Variants in ZBTB7C observed in about 807,000 individuals in gnomAD.
The protein encoded by ZBTB7C is zinc finger and BTB domain-containing protein 7C.
In ZBTB7C, 8 loss-of-function variants were observed where a neutral mutation model predicts 25.7. That is an observed-to-expected ratio of 0.31 (90% CI 0.18 to 0.56). The LOEUF (loss-of-function observed/expected upper bound fraction) is 0.56, where lower values mean the gene tolerates loss of function less well. Ranked by LOEUF, ZBTB7C falls within the 20% of genes least tolerant of loss-of-function variation. The pLI, the probability that ZBTB7C is intolerant of heterozygous loss-of-function variation, is 0.91. For missense variants in ZBTB7C, 824 were observed against 855.2 expected (o/e 0.96, Z 0.46); for synonymous variants, 394 against 369.0 (o/e 1.07, Z -0.78).
intron 2 of ZBTB7C, among the ~76,000 whole-genome samples, chr18:48,242,868 G>A (rs1000980678): frequency 6.6e-6 from 1 of 152,110 alleles, no homozygotes; most frequent in African/African-American, 2.4e-5. Context: ...ACAAGAGAAA[G>A]AAATAAAGGG....
At chr18:48,081,063 T>C (rs2037964048) in intron 3 of ZBTB7C, among the ~76,000 whole-genome samples, 1 of 152,258 alleles carries the variant, frequency 6.6e-6, no homozygotes, top group East Asian at 1.9e-4. Context: ...CTTCTCCCAT[T>C]ACTGGGGGTA....
At chr18:48,383,315 G>T (rs1201228305) in intron 1 of ZBTB7C, among the ~76,000 whole-genome samples, 1 of 152,084 alleles carries the variant, frequency 6.6e-6, no homozygotes, top group African/African-American at 2.4e-5. Context: ...ACCCAGGATG[G>T]AGTGCAGTGG....
intron 2 of ZBTB7C, among the ~76,000 whole-genome samples, chr18:48,215,303 T>C (rs368326254): frequency 1.1e-3 from 167 of 152,310 alleles, no homozygotes; most frequent in African/African-American, 3.7e-3. Flanking sequence ...CTCTGTGAAA[T>C]ATTCAAAAAT....
intron 4 of ZBTB7C, among the ~76,000 whole-genome samples, chr18:48,031,587 G>A (rs1336457100): frequency 3.3e-5 from 5 of 152,170 alleles, no homozygotes; most frequent in South Asian, 4.1e-4. Context: ...GGATGCATTC[G>A]AACCATAATC....
chr18:48,108,965 G>A (rs1456703281), intron 3 of ZBTB7C, among the ~76,000 whole-genome samples: 2 of 152,044 alleles, frequency 1.3e-5, no homozygotes, highest in African/African-American at 4.8e-5. Context: ...GCACTTGGGG[G>A]TAAGGAAGGG....
At chr18:48,039,814 T>A in intron 4 of ZBTB7C, 86 bp downstream of exon 4, 2 of 1,413,834 alleles carry the variant, frequency 1.4e-6, no homozygotes, top group East Asian at 2.3e-5. Context: ...TGGGTCTCTG[T>A]CTCCACCGCC....
At chr18:48,189,815 T>C (rs1465724018) in intron 2 of ZBTB7C, among the ~76,000 whole-genome samples, 1 of 152,224 alleles carries the variant, frequency 6.6e-6, no homozygotes, top group Admixed American at 6.5e-5. Flanking sequence ...AGTTGTTTTC[T>C]TGAATCTCCA....
intron 3 of ZBTB7C, among the ~76,000 whole-genome samples, chr18:48,081,466 T>C (rs969021481): frequency 2.2e-4 from 33 of 149,812 alleles, no homozygotes; most frequent in African/African-American, 7.8e-4. Context: ...TTTTTCTTTT[T>C]TTTTTTGGTT....
rs367893975 is a variant in ZBTB7C, at chr18:48,085,562, C to G, written c.-16-44439G>C. On this transcript the variant is annotated intron_variant, in intron 3 of 4. Coordinates refer to ENST00000590800, the MANE Select transcript of ZBTB7C (RefSeq NM_001318841.2). ...CGTCTGTGTGCCTCAGTTTCCTCCT[C>G]TGTCAAGTGGGGAGTATGAGTCAAT... Among the ~76,000 whole-genome samples the G allele has an allele frequency of 1.0e-3, 154 of 152,302 alleles. 4 individuals are homozygous for G. In the South Asian group the frequency reaches 0.031, roughly 31 times the overall value.
At chr18:48,301,564 A>C (rs2045545575) in intron 2 of ZBTB7C, among the ~76,000 whole-genome samples, 1 of 152,138 alleles carries the variant, frequency 6.6e-6, no homozygotes, top group South Asian at 2.1e-4. Flanking sequence ...GCTCCATCTC[A>C]CAAAGAACCT....
intron 1 of ZBTB7C, among the ~76,000 whole-genome samples, chr18:48,401,305 A>T (rs2048152031): frequency 1.3e-5 from 2 of 152,214 alleles, no homozygotes; most frequent in Admixed American, 6.5e-5. Flanking sequence ...TACAAAACAT[A>T]AATAACAGTG....
intron 3 of ZBTB7C, among the ~76,000 whole-genome samples, chr18:48,068,429 G>A (rs1331204522): frequency 5.3e-5 from 8 of 151,862 alleles, no homozygotes; most frequent in East Asian, 1.9e-4. Flanking sequence ...GTGAGCCACC[G>A]CACCTGGCTG....
chr18:48,037,113 G>C (rs761899167), intron 4 of ZBTB7C, among the ~76,000 whole-genome samples: 30 of 152,206 alleles, frequency 2.0e-4, no homozygotes, highest in Non-Finnish European at 3.7e-4. Flanking sequence ...TCCCCAGCTC[G>C]GGGTTTCTCT....
chr18:48,285,152 G>A (rs1438979588), intron 2 of ZBTB7C, among the ~76,000 whole-genome samples: 1 of 152,214 alleles, frequency 6.6e-6, no homozygotes, highest in Non-Finnish European at 1.5e-5. Context: ...ATTGGCTCAT[G>A]CTTGTTACTT....
At chr18:48,322,233 G>A (rs2144859660) in intron 2 of ZBTB7C, among the ~76,000 whole-genome samples, 1 of 152,266 alleles carries the variant, frequency 6.6e-6, no homozygotes, top group South Asian at 2.1e-4. Flanking sequence ...TCTCAGCACT[G>A]ACACTCTGGG....
chr18:48,064,613 T>G (rs1311457689), intron 3 of ZBTB7C, among the ~76,000 whole-genome samples: 1 of 152,164 alleles, frequency 6.6e-6, no homozygotes, highest in Non-Finnish European at 1.5e-5. Flanking sequence ...CATGGTGGCA[T>G]GCACCTGCAG....
intron 1 of ZBTB7C, among the ~76,000 whole-genome samples, chr18:48,364,741 A>G (rs990564776): frequency 1.3e-5 from 2 of 152,210 alleles, no homozygotes; most frequent in Non-Finnish European, 2.9e-5. Context: ...CATTTCTTGT[A>G]TATCCTTCCA....
chr18:48,281,641 G>A (rs2144637755), intron 2 of ZBTB7C, among the ~76,000 whole-genome samples: 1 of 152,322 alleles, frequency 6.6e-6, no homozygotes, highest in East Asian at 1.9e-4. Flanking sequence ...CCATCAACAA[G>A]TGGGTGAAGG....
intron 2 of ZBTB7C, among the ~76,000 whole-genome samples, chr18:48,273,522 T>C (rs913710551): frequency 2.0e-5 from 3 of 152,124 alleles, no homozygotes; most frequent in Admixed American, 6.5e-5. Context: ...AACAATGAAA[T>C]ATCATTTTAC....
Sources: allele counts gnomAD v4.1 joint callset (sites outside exome capture counted in the v4.1 genomes callset), GRCh38; gene constraint gnomAD v4.1.1; transcripts MANE v1.5; gene names NCBI Gene and HGNC (gene_info 2026-07-23, HGNC 2026-07-21).